The following VANGL1 variants were observed in gnomAD, a reference collection of about 807,000 sequenced individuals.
VANGL1 encodes the protein VANGL planar cell polarity protein 1, also known as vang-like protein 1.
VANGL1 carries 18 observed loss-of-function variants against 48.4 expected under a neutral mutation model. That is an observed-to-expected ratio of 0.37 (90% CI 0.26 to 0.55). The LOEUF (loss-of-function observed/expected upper bound fraction) is 0.55, where lower values mean the gene tolerates loss of function less well. Among genes scored for constraint, VANGL1 ranks in the 20% least tolerant of loss-of-function variants. The probability of loss-of-function intolerance (pLI) is 0.81; values close to 1 mark genes in which losing one functional copy is unlikely to be tolerated. For synonymous variants in VANGL1, 257 were observed against 261.8 expected (o/e 0.98, Z 0.18); for missense variants, 667 against 675.8 (o/e 0.99, Z 0.14).
chr1:115,646,493 C>CTTT (rs34575210), intron 1 of VANGL1, among the ~76,000 whole-genome samples: 19 of 128,666 alleles, frequency 1.5e-4, no homozygotes, highest in African/African-American at 4.1e-4. Flanking sequence ...AGTAGTATAG[C>CTTT]TTTTTTTTTT....
rs1280385987 is a variant in VANGL1, at chr1:115,696,918, T to C, written c.*5539T>C. The C allele has an allele frequency of 6.6e-6, 1 of 152,180 alleles. No individual in the cohort carries two copies. The highest frequency in any genetic ancestry group is 1.9e-4 in the East Asian group (1 of 5,198). The allele number at this position is 152,180 out of a possible 1,614,324, so 9.4% of individuals were successfully genotyped here. On this transcript the variant is annotated 3_prime_UTR_variant, in exon 8 of 8. Coordinates refer to ENST00000355485, the MANE Select transcript of VANGL1 (RefSeq NM_138959.3). ...GGACAAAGGTGACAAACCCCAGGCTTTTATCTTAAAAGTGTCTTTGGCACT... is the reference window on the plus strand; with the variant it reads ...GGACAAAGGTGACAAACCCCAGGCTCTTATCTTAAAAGTGTCTTTGGCACT...
chr1:115,674,225 C>T (rs79746722), intron 4 of VANGL1, among the ~76,000 whole-genome samples: 2,347 of 152,262 alleles, frequency 0.015, 58 homozygotes, highest in African/African-American at 0.053. Context: ...CCAGCTTTGC[C>T]CCCACTGTGG....
Position 115,697,130 on chromosome 1 carries a change from A to G in VANGL1, c.*5751A>G, listed in dbSNP as rs10801933. ...TAAGAAAGCTTCATCTGTGGGGACC[A>G]GAGACTTGTTGCTCAGGGAGTTAGT... On this transcript the variant is annotated 3_prime_UTR_variant, in exon 8 of 8. Transcript: ENST00000355485. 62,831 of 152,030 alleles carry G rather than the reference A, an allele frequency of 0.41. 13,245 individuals are homozygous for G. The highest frequency in any genetic ancestry group is 0.49 in the African/African-American group (20,261 of 41,446). The allele number at this position is 152,030 out of a possible 1,614,324, so 9.4% of individuals were successfully genotyped here.
At chr1:115,661,612 TTTG>T (rs1159264912) in intron 3 of VANGL1, among the ~76,000 whole-genome samples, 1 of 152,094 alleles carries the variant, frequency 6.6e-6, no homozygotes, top group Non-Finnish European at 1.5e-5. Context: ...TTGGGTTTTT[TTTG>T]TTGTTGTTTG....
chr1:115,673,654 C>A (rs1255376776), intron 4 of VANGL1, among the ~76,000 whole-genome samples: 1 of 142,530 alleles, frequency 7.0e-6, no homozygotes, highest in Admixed American at 7.2e-5. Flanking sequence ...GGCTGGAGTG[C>A]CTTAGTGCGA....
At chr1:115,673,704 A>G (rs1653065338) in intron 4 of VANGL1, among the ~76,000 whole-genome samples, 1 of 150,520 alleles carries the variant, frequency 6.6e-6, no homozygotes, top group Admixed American at 6.6e-5. Context: ...GGTTCAAGCA[A>G]TTCTCCTGCC....
At chr1:115,651,019 C>G (rs1007931371) in intron 1 of VANGL1, among the ~76,000 whole-genome samples, 1 of 152,014 alleles carries the variant, frequency 6.6e-6, no homozygotes, top group Admixed American at 6.6e-5. Flanking sequence ...ATCCTGAGGA[C>G]GTGGACAAGT....
At chr1:115,665,059 G>A (rs916499742) in intron 4 of VANGL1, among the ~76,000 whole-genome samples, 1 of 152,190 alleles carries the variant, frequency 6.6e-6, no homozygotes, top group African/African-American at 2.4e-5. Flanking sequence ...AAAACATATG[G>A]CTAGCCTCAT....
intron 7 of VANGL1, among the ~76,000 whole-genome samples, chr1:115,689,560 C>CGGGAGGCGGAGGTTGCA (rs1653756678): frequency 7.3e-6 from 1 of 136,218 alleles, no homozygotes; most frequent in East Asian, 2.1e-4. Context: ...TTGCTTGAAA[C>CGGGAGGCGGAGGTTGCA]GGGAGGCGGA....
intron 2 of VANGL1, among the ~76,000 whole-genome samples, chr1:115,657,249 A>G (rs1397026398): frequency 6.6e-6 from 1 of 152,194 alleles, no homozygotes; most frequent in Admixed American, 6.5e-5. Flanking sequence ...TCATAGCTCT[A>G]ATAGTTTTCA....
chr1:115,653,102 T>G (rs968270281), intron 2 of VANGL1, among the ~76,000 whole-genome samples: 7 of 152,372 alleles, frequency 4.6e-5, no homozygotes, highest in Admixed American at 4.6e-4. Flanking sequence ...TGACTATGCC[T>G]GTCTCTGAGT....
chr1:115,689,529 C>T (rs529907572), intron 7 of VANGL1, among the ~76,000 whole-genome samples: 3 of 135,710 alleles, frequency 2.2e-5, no homozygotes, highest in East Asian at 2.1e-4. Context: ...CCCAGCTACT[C>T]AGGAGACTGA....
chr1:115,664,243 C>G lies in VANGL1; in HGVS notation c.787C>G (p.Arg263Gly), dbSNP rs377435467. The change falls in exon 4 of 8, where the codon CGC becomes GGC. Residue 263 changes from arginine (R) to glycine (G), a missense_variant. By Grantham distance (125) the Arg-to-Gly change is moderately radical. Coordinates refer to ENST00000355485, the MANE Select transcript of VANGL1 (RefSeq NM_138959.3). ...GGTCCGCTCCACCGATGGCGAGTCC[C>G]GCTTCTACAGCCTGGGACACCTGAG... Reference protein sequence around the residue: ...QVVRSTDGESRFYSLGHLSIQ... With the variant: ...QVVRSTDGESGFYSLGHLSIQ... 2 of 1,613,874 alleles carry G rather than the reference C, an allele frequency of 1.2e-6. No individual in the cohort carries two copies. Among genetic ancestry groups the G allele is most frequent in the Non-Finnish European group, 8.5e-7 (1 of 1,180,000 alleles).
chr1:115,655,229 C>T (rs1302668182), intron 2 of VANGL1, among the ~76,000 whole-genome samples: 2 of 152,160 alleles, frequency 1.3e-5, no homozygotes, highest in African/African-American at 2.4e-5. Context: ...GAGGAGTAAC[C>T]GGTGGGGCCA....
intron 3 of VANGL1, among the ~76,000 whole-genome samples, chr1:115,662,825 A>T (rs1310982818): frequency 5.5e-5 from 8 of 145,330 alleles, no homozygotes; most frequent in African/African-American, 1.0e-4. Flanking sequence ...CTCACTCTGT[A>T]GCCCAGGCTG....
In VANGL1 at chr1:115,698,216, A is replaced by G. The variant is rs1056160668; in HGVS notation, c.*6837A>G. ...GTAAACTTGGAAAATAAACTGAAAT[A>G]TCAAATTGTGTCTTGTTTCTTTTCT... is the stretch of plus-strand genomic sequence containing the variant. On this transcript the variant is annotated 3_prime_UTR_variant, in exon 8 of 8. Coordinates refer to ENST00000355485, the MANE Select transcript of VANGL1 (RefSeq NM_138959.3). The G allele has an allele frequency of 1.5e-4, 23 of 152,210 alleles. No individual in the cohort carries two copies. Among genetic ancestry groups the G allele is most frequent in the Non-Finnish European group, 7.3e-5 (5 of 68,038 alleles). The allele number at this position is 152,210 out of a possible 1,614,324, so 9.4% of individuals were successfully genotyped here.
At position 115,651,299 on chromosome 1, in the gene VANGL1, G is replaced by C. The variant is rs181583261; in HGVS notation, c.-115G>C. The C allele has an allele frequency of 4.4e-4, 370 of 837,136 alleles. 3 individuals are homozygous for C. The East Asian group carries it at 8.9e-3, about 20-fold the overall frequency. 51.9% of individuals were successfully genotyped at this position (837,136 alleles called of 1,614,324 possible). On this transcript the variant is annotated 5_prime_UTR_variant, in exon 2 of 8. Coordinates refer to ENST00000355485, the MANE Select transcript of VANGL1 (RefSeq NM_138959.3). ...CAGAATTTGTTCCTGTTGAAGAGTG[G>C]CTCCTCTTCTAATTTCCAGACTCCT...
chr1:115,652,331 T>G (rs1468017336), intron 2 of VANGL1, among the ~76,000 whole-genome samples: 1 of 152,232 alleles, frequency 6.6e-6, no homozygotes, highest in Non-Finnish European at 1.5e-5. Context: ...TGTAGAATGT[T>G]TGTTAAGTAG....
In VANGL1 at chr1:115,688,935, G is replaced by A. The variant is rs1334332171; in HGVS notation, c.1315-2184G>A. Reference sequence around the variant, plus strand: ...CTCCCGAGTAACTGGGACTACAGGCGCCCACCACCACGCCCAGCTAATTTT... The same window carrying A: ...CTCCCGAGTAACTGGGACTACAGGCACCCACCACCACGCCCAGCTAATTTT... On this transcript the variant is annotated intron_variant, in intron 7 of 7. Transcript: ENST00000355485. 1.0e-4 allele frequency among the ~76,000 whole-genome samples: 14 copies of A among 134,094 alleles called. 4 individuals are homozygous for A. Among genetic ancestry groups the A allele is most frequent in the African/African-American group, 4.0e-4 (14 of 35,328 alleles). The allele number at this position is 134,094 out of a possible 152,430, so 88.0% of individuals were successfully genotyped here. A position where few individuals can be genotyped will look rare whatever the true frequency, so the allele number is the denominator to read the frequency against.
Sources: allele counts gnomAD v4.1 joint callset (sites outside exome capture counted in the v4.1 genomes callset), GRCh38; gene constraint gnomAD v4.1.1; transcripts MANE v1.5; gene names NCBI Gene and HGNC (gene_info 2026-07-23, HGNC 2026-07-21).